The following CLVS1 variants were observed in gnomAD, a reference collection of about 807,000 sequenced individuals.
CLVS1 encodes the protein clavesin-1.
A neutral mutation model predicts 33.1 loss-of-function variants in CLVS1; 10 were observed. The ratio of observed to expected loss-of-function variants is 0.30; its 90% CI spans 0.19 to 0.51. CLVS1 has a LOEUF of 0.51. Ranked by LOEUF, CLVS1 falls within the 20% of genes least tolerant of loss-of-function variation. CLVS1 has a pLI of 0.97. For missense variants in CLVS1, 343 were observed against 433.4 expected (o/e 0.79, Z 1.85); for synonymous variants, 163 against 166.1 (o/e 0.98, Z 0.14).
intron 2 of CLVS1, among the ~76,000 whole-genome samples, chr8:61,270,676 T>G (rs1474231003): frequency 6.6e-6 from 1 of 152,192 alleles, no homozygotes; most frequent in Non-Finnish European, 1.5e-5. Context: ...CTATGGATTA[T>G]TGCCATAATT....
the CLVS1 span, among the ~76,000 whole-genome samples, chr8:60,988,686 A>G: frequency 6.6e-5 from 10 of 152,238 alleles, no homozygotes; most frequent in Non-Finnish European, 1.3e-4. Context: ...CCAACTACTT[A>G]AGAAGGAATT....
At chr8:61,093,304 C>T (rs1214829701) in intron 1 of CLVS1, among the ~76,000 whole-genome samples, 2 of 152,122 alleles carry the variant, frequency 1.3e-5, no homozygotes, top group African/African-American at 2.4e-5. Flanking sequence ...ATGATTAGAG[C>T]CATTCTCCTT....
chr8:61,333,841 C>G (rs1247896352), intron 2 of CLVS1, among the ~76,000 whole-genome samples: 1 of 151,830 alleles, frequency 6.6e-6, no homozygotes. Context: ...TTTTTTGATC[C>G]TCTCCCTCCT....
At chr8:61,168,243 A>C (rs1806921487) in intron 2 of CLVS1, among the ~76,000 whole-genome samples, 1 of 152,174 alleles carries the variant, frequency 6.6e-6, no homozygotes, top group Non-Finnish European at 1.5e-5. Flanking sequence ...TTCTTCATTG[A>C]GCCAAGTCTA....
the CLVS1 span, among the ~76,000 whole-genome samples, chr8:61,021,284 TCTC>T: frequency 1.3e-5 from 2 of 152,190 alleles, no homozygotes; most frequent in African/African-American, 4.8e-5. Flanking sequence ...GGATGGCTGG[TCTC>T]CTGGGCAGAG....
chr8:61,241,721 C>T (rs1475937127), intron 2 of CLVS1, among the ~76,000 whole-genome samples: 2 of 152,134 alleles, frequency 1.3e-5, no homozygotes, highest in African/African-American at 4.8e-5. Context: ...AAGAGGAAAA[C>T]CAACATTTAT....
the CLVS1 span, among the ~76,000 whole-genome samples, chr8:61,001,374 C>T: frequency 6.6e-6 from 1 of 152,332 alleles, no homozygotes; most frequent in Middle Eastern, 3.4e-3. Flanking sequence ...AAGATATTTT[C>T]TATCCTTTCT....
At chr8:61,079,603 G>A (rs1191677365) in intron 1 of CLVS1, among the ~76,000 whole-genome samples, 1 of 152,184 alleles carries the variant, frequency 6.6e-6, no homozygotes, top group Non-Finnish European at 1.5e-5. Flanking sequence ...AATTACCTGT[G>A]ACTTTCAGCG....
chr8:61,334,630 C>G (rs957160234), intron 2 of CLVS1, among the ~76,000 whole-genome samples: 1 of 152,138 alleles, frequency 6.6e-6, no homozygotes, highest in Non-Finnish European at 1.5e-5. Flanking sequence ...AAGTATTTCC[C>G]TACAATGTAG....
chr8:61,468,206 C>T (rs1486203366), intron 5 of CLVS1, among the ~76,000 whole-genome samples: 1 of 152,184 alleles, frequency 6.6e-6, no homozygotes, highest in African/African-American at 2.4e-5. Flanking sequence ...CTCAAGGCCC[C>T]CAACTTTGAG....
chr8:61,336,342 G>A (rs1464469238), intron 2 of CLVS1, among the ~76,000 whole-genome samples: 3 of 152,160 alleles, frequency 2.0e-5, no homozygotes, highest in African/African-American at 7.2e-5. Flanking sequence ...TGTAACAAGA[G>A]GGAAGCAAAT....
In CLVS1 at chr8:61,499,716, G is replaced by A. The variant is rs1186619984; in HGVS notation, c.*174G>A. On this transcript the variant is annotated 3_prime_UTR_variant, in exon 6 of 6. Coordinates refer to ENST00000325897, the MANE Select transcript of CLVS1 (RefSeq NM_173519.3). ...CCATCGGTCTGAGCAGCCAAAGTTG[G>A]ACAAAGACTTGAGAGATGCTTTTTT... 2.3e-6 allele frequency: 1 copy of A among 442,444 alleles called. No homozygotes were observed. Among genetic ancestry groups the A allele is most frequent in the Non-Finnish European group, 4.1e-6 (1 of 244,416 alleles). 27.4% of individuals were successfully genotyped at this position (442,444 alleles called of 1,614,324 possible).
intron 2 of CLVS1, among the ~76,000 whole-genome samples, chr8:61,375,971 G>T (rs1813623037): frequency 6.6e-6 from 1 of 152,192 alleles, no homozygotes; most frequent in Non-Finnish European, 1.5e-5. Context: ...CATAGTTACT[G>T]ATGTACTCAA....
At chr8:61,242,284 T>C (rs1808712096) in intron 2 of CLVS1, among the ~76,000 whole-genome samples, 1 of 152,210 alleles carries the variant, frequency 6.6e-6, no homozygotes, top group Non-Finnish European at 1.5e-5. Context: ...CAGTTATTCA[T>C]GGTAGATTTT....
chr8:61,448,468 C>T (rs73257393), intron 3 of CLVS1, among the ~76,000 whole-genome samples: 2,620 of 152,152 alleles, frequency 0.017, 82 homozygotes, highest in African/African-American at 0.061. Flanking sequence ...TTAAGTAATT[C>T]CTATTTTTTT....
At chr8:61,382,034 G>C (rs1813899360) in intron 3 of CLVS1, among the ~76,000 whole-genome samples, 1 of 152,046 alleles carries the variant, frequency 6.6e-6, no homozygotes, top group African/African-American at 2.4e-5. Flanking sequence ...TCAAACCTTG[G>C]TTTATTCTCT....
At chr8:61,480,378 G>A (rs909576730) in intron 5 of CLVS1, among the ~76,000 whole-genome samples, 1 of 152,200 alleles carries the variant, frequency 6.6e-6, no homozygotes, top group Non-Finnish European at 1.5e-5. Context: ...AGGATGCTCC[G>A]AGCCAGGTGC....
chr8:61,033,219 AAAC>A, the CLVS1 span, among the ~76,000 whole-genome samples: 221 of 152,240 alleles, frequency 1.5e-3, 1 homozygote, highest in African/African-American at 5.1e-3. Context: ...TCTCAAAACA[AAAC>A]AACAACAACA....
intron 2 of CLVS1, among the ~76,000 whole-genome samples, chr8:61,359,379 A>G (rs1812875246): frequency 6.6e-6 from 1 of 151,754 alleles, no homozygotes; most frequent in South Asian, 2.1e-4. Context: ...TTTTTGAGAC[A>G]GAGTCTTGCT....
Sources: allele counts gnomAD v4.1 joint callset (sites outside exome capture counted in the v4.1 genomes callset), GRCh38; gene constraint gnomAD v4.1.1; transcripts MANE v1.5; gene names NCBI Gene and HGNC (gene_info 2026-07-23, HGNC 2026-07-21).